The following TNC variants were observed in gnomAD, a reference collection of about 807,000 sequenced individuals.
The protein encoded by TNC is tenascin C, also known as tenascin.
A neutral mutation model predicts 202.4 loss-of-function variants in TNC; 109 were observed. The ratio of observed to expected loss-of-function variants is 0.54; its 90% confidence interval spans 0.46 to 0.63. TNC has a LOEUF of 0.63. Among genes scored for constraint, TNC ranks in the 30% least tolerant of loss-of-function variants. The probability of loss-of-function intolerance (pLI) is 0.00; values close to 1 mark genes in which losing one functional copy is unlikely to be tolerated. For missense variants in TNC, 2,756 were observed against 2,833.3 expected (o/e 0.97, Z 0.62); for synonymous variants, 1,007 against 1,089.7 (o/e 0.92, Z 1.50).
chr9:115,065,032 GC>G, intron 10 of TNC, 113 bp from the exon 11 acceptor site: 3 of 1,244,176 alleles, frequency 2.4e-6, no homozygotes, highest in Non-Finnish European at 3.3e-6. Context: ...CAGTCCAAGT[GC>G]CAGGCTTTGT....
Position 115,063,840 on chromosome 9 carries a change from G to T in TNC, c.3716C>A (p.Thr1239Asn). 6.2e-7 allele frequency: 1 copy of T among 1,614,154 alleles called. No individual in the cohort carries two copies. Among genetic ancestry groups the T allele is most frequent in the Non-Finnish European group, 8.5e-7 (1 of 1,179,984 alleles). The change falls in exon 12 of 28, where the codon ACT (threonine) becomes AAT (asparagine). Residue 1239 changes from threonine to asparagine, a missense_variant. By Grantham distance (65) the Thr-to-Asn change is moderately conservative. Coordinates refer to ENST00000350763, the MANE Select transcript of TNC (RefSeq NM_002160.4). ...THYTITIRGV[T>N]QDFSTTPLSV... ...GAGAGGGGTTGTGCTGAAGTCCTGAGTGACCCCGCGGATGGTGATGGTATA... is the reference window on the plus strand; with the variant it reads ...GAGAGGGGTTGTGCTGAAGTCCTGATTGACCCCGCGGATGGTGATGGTATA...
At chr9:115,045,623 C>T (rs945875932) in intron 17 of TNC, among the ~76,000 whole-genome samples, 1 of 138,156 alleles carries the variant, frequency 7.2e-6, no homozygotes. Context: ...CTCAAGTGAT[C>T]CTCCTGTCTC....
At position 115,064,858 on chromosome 9, in the gene TNC, G is replaced by C; in HGVS notation, c.3276C>G (p.Leu1092=). ...VTEVGWDGLR[L]NWTAADQAYE... The stretch of plus-strand genomic sequence containing the variant: ...AGGCCTGGTCAGCTGCGGTCCAGTT[G>C]AGTCTGAGGCCATCCCAGCCAACCT... The change falls in exon 11 of 28, where the codon CTC becomes CTG. Residue 1092 remains leucine (L), a synonymous_variant. Transcript: ENST00000350763. 1.2e-6 allele frequency: 2 copies of C among 1,614,174 alleles called. No homozygotes were observed. The highest frequency in any genetic ancestry group is 1.3e-5 in the African/African-American group (1 of 75,034).
chr9:115,053,160 C>T (rs1002989780), intron 15 of TNC: 1 of 591,708 alleles, frequency 1.7e-6, no homozygotes, highest in Non-Finnish European at 3.0e-6. Context: ...TGTGTCTACA[C>T]CTGCATTGAA....
In TNC at chr9:115,046,693, A is replaced by G; in HGVS notation, c.4853-11T>C. 6.2e-7 allele frequency: 1 copy of G among 1,611,126 alleles called. No individual in the cohort carries two copies. ...CTTCCGGTTCGGCTTCTAGAGGGAG[A>G]GAAAATGGTGGGAGAAGGAGGAAAG... On this transcript the variant is annotated splice_polypyrimidine_tract_variant and intron_variant, in intron 16 of 27. Coordinates refer to ENST00000350763, the MANE Select transcript of TNC (RefSeq NM_002160.4).
chr9:115,069,798 T>TCCTTCCTTCCTTCCTC (rs1564467851), intron 10 of TNC, among the ~76,000 whole-genome samples: 2 of 43,584 alleles, frequency 4.6e-5, no homozygotes, highest in African/African-American at 1.7e-4. Flanking sequence ...CTTCCTTCCT[T>TCCTTCCTTCCTTCCTC]CCTCCCTTCC....
intron 25 of TNC, among the ~76,000 whole-genome samples, chr9:115,028,869 T>G (rs191769029): frequency 7.3e-6 from 1 of 137,194 alleles, no homozygotes; most frequent in East Asian, 2.3e-4. Flanking sequence ...AATGTGACCA[T>G]ATCCCTCCAG....
rs1830300831 is a variant in TNC, at chr9:115,036,081, T to A, written c.5656+17A>T. The stretch of plus-strand genomic sequence containing the variant: ...CACCCCAGAAGGGAGAGCTTCCAGC[T>A]CTCAGTGTCTTTGTACCTGTTGTGA... On this transcript the variant is annotated intron_variant, in intron 21 of 27. Coordinates refer to ENST00000350763, the MANE Select transcript of TNC (RefSeq NM_002160.4). The A allele has an allele frequency of 6.2e-7, 1 of 1,613,868 alleles. No individual in the cohort carries two copies. Among genetic ancestry groups the A allele is most frequent in the Non-Finnish European group, 8.5e-7 (1 of 1,179,918 alleles).
At chr9:115,031,503 T>C (rs760723626) in intron 23 of TNC, 50 bp downstream of exon 23, 1 of 1,451,678 alleles carries the variant, frequency 6.9e-7, no homozygotes, top group African/African-American at 1.5e-5. Flanking sequence ...CAAGGGTTGA[T>C]TCAGTCAAAG....
At chr9:115,049,005 TTTG>T (rs1254654568) in intron 15 of TNC, among the ~76,000 whole-genome samples, 2 of 152,090 alleles carry the variant, frequency 1.3e-5, no homozygotes, top group Admixed American at 6.5e-5. Context: ...TAGTGCACAG[TTTG>T]AATCAAATTA....
At chr9:115,091,177 A>C in intron 1 of TNC, 23 bp from the exon 2 acceptor site, 1 of 621,942 alleles carries the variant, frequency 1.6e-6, no homozygotes, top group South Asian at 2.0e-5. Flanking sequence ...ATGAACAAAA[A>C]AATTATGAGT....
In TNC at chr9:115,091,610, G is replaced by C. The variant is rs570298220; in HGVS notation, c.-136-456C>G. Among the ~76,000 whole-genome samples the C allele has an allele frequency of 1.4e-4, 21 of 152,258 alleles. No individual in the cohort carries two copies. In the South Asian group the frequency reaches 4.4e-3, roughly 32 times the overall value. On this transcript the variant is annotated intron_variant, in intron 1 of 27. Coordinates refer to ENST00000350763, the MANE Select transcript of TNC (RefSeq NM_002160.4). ...TATGTCTTCTGAGTGAATTATTATAGTGTTATAAAGGCCCTGGTCCCGGTA... is the reference window on the plus strand; with the variant it reads ...TATGTCTTCTGAGTGAATTATTATACTGTTATAAAGGCCCTGGTCCCGGTA...
In TNC at chr9:115,069,774, C is replaced by CCCTT. The variant is rs1564467746; in HGVS notation, c.3214+3825_3214+3828dup. 4.9e-3 allele frequency among the ~76,000 whole-genome samples: 41 copies of CCCTT among 8,334 alleles called. 8 individuals carry two copies. Among genetic ancestry groups the CCCTT allele is most frequent in the African/African-American group, 7.2e-3 (12 of 1,664 alleles). 5.5% of individuals were successfully genotyped at this position (8,334 alleles called of 152,430 possible). On this transcript the variant is annotated intron_variant, in intron 10 of 27. Transcript: ENST00000350763. ...TCCCTCCCTCCCTCCCTCCCTCCCT[C>CCCTT]CCTTCCTTCCTTCCTTCCTTCCTTC... is the stretch of plus-strand genomic sequence containing the variant.
At chr9:115,046,750 T>C (rs1416676069) in intron 16 of TNC, 68 bp from the exon 17 acceptor site, 1 of 1,568,718 alleles carries the variant, frequency 6.4e-7, no homozygotes, top group African/African-American at 1.4e-5. Flanking sequence ...TGCAATCTTC[T>C]CTCCAGTAGG....
At chr9:115,036,343 TC>T (rs1431229783) in intron 20 of TNC, 102 bp from the exon 21 acceptor site, 1 of 1,328,406 alleles carries the variant, frequency 7.5e-7, no homozygotes, top group Non-Finnish European at 1.0e-6. Context: ...ATCGAAACTT[TC>T]AGTGACCCTG....
chr9:115,087,104 G>A lies in TNC; in HGVS notation c.627C>T (p.Asp209=), dbSNP rs138151398. The change falls in exon 3 of 28, where the codon GAC becomes GAT. Residue 209 remains aspartate (D), a synonymous_variant. Coordinates refer to ENST00000350763, the MANE Select transcript of TNC (RefSeq NM_002160.4). ...RCIDGQCICD[D]GFTGEDCSQL... is the part of the protein sequence containing the mutation. ...GGCTGCAGTCCTCGCCCGTGAAGCC[G>A]TCGTCACAGATGCACTGCCCATCAA... The A allele has an allele frequency of 5.3e-5, 86 of 1,614,212 alleles. No homozygotes were observed. In the African/African-American group the frequency reaches 9.2e-4, roughly 17 times the overall value.
chr9:115,086,118 C>T lies in TNC; in HGVS notation c.1613G>A (p.Gly538Asp), dbSNP rs756526227. ...CTGCCCATTCACACAGCGACCCTGGCCATGGCAGTCATTTGGACAGGAGAG... is the reference window on the plus strand; with the variant it reads ...CTGCCCATTCACACAGCGACCCTGGTCATGGCAGTCATTTGGACAGGAGAG... ...AELSCPNDCH[G>D]QGRCVNGQCV... The change falls in exon 3 of 28, where the codon GGC becomes GAC. Residue 538 changes from glycine to aspartate, a missense_variant. Transcript: ENST00000350763. The T allele has an allele frequency of 6.2e-7, 1 of 1,613,910 alleles. No homozygotes were observed. Among genetic ancestry groups the T allele is most frequent in the South Asian group, 1.1e-5 (1 of 91,072 alleles).
Position 115,086,526 on chromosome 9 carries a change from T to C in TNC, c.1205A>G (p.Asp402Gly). The C allele has an allele frequency of 6.2e-7, 1 of 1,613,936 alleles. No homozygotes were observed. Among genetic ancestry groups the C allele is most frequent in the Non-Finnish European group, 8.5e-7 (1 of 1,180,026 alleles). The change falls in exon 3 of 28, where the codon GAC becomes GGC. Residue 402 changes from aspartate to glycine, a missense_variant. By Grantham distance (94) the Asp-to-Gly change is moderately conservative. Coordinates refer to ENST00000350763, the MANE Select transcript of TNC (RefSeq NM_002160.4). ...CECDDGFTGADCGELKCPNGC... is the reference protein window; with the variant it reads ...CECDDGFTGAGCGELKCPNGC... Reference sequence around the variant, plus strand: ...ATTGGGACACTTGAGCTCCCCACAGTCAGCTCCAGTGAAACCATCATCACA... The same window carrying C: ...ATTGGGACACTTGAGCTCCCCACAGCCAGCTCCAGTGAAACCATCATCACA...
chr9:115,062,640 T>C (rs1009729928), intron 13 of TNC, among the ~76,000 whole-genome samples: 2 of 150,562 alleles, frequency 1.3e-5, no homozygotes, highest in African/African-American at 4.9e-5. Context: ...TATCTATATA[T>C]ACACACACAC....
Sources: allele counts gnomAD v4.1 joint callset (sites outside exome capture counted in the v4.1 genomes callset), GRCh38; gene constraint gnomAD v4.1.1; transcripts MANE v1.5; gene names NCBI Gene and HGNC (gene_info 2026-07-23, HGNC 2026-07-21).